The following DPP10 variants were observed in gnomAD, a reference collection of about 807,000 sequenced individuals.
The protein encoded by DPP10 is inactive dipeptidyl peptidase 10.
In DPP10, 33 loss-of-function variants were observed where a neutral mutation model predicts 120.9. The observed-to-expected ratio is 0.27, with a 90% CI of 0.21 to 0.37. The LOEUF is 0.37. DPP10 is among the 10% of genes least tolerant of loss of function. The pLI is 1.00. For synonymous variants in DPP10, 337 were observed against 326.1 expected (o/e 1.03, Z -0.36); for missense variants, 816 against 942.8 (o/e 0.87, Z 1.76).
At chr2:115,440,254 T>TA (rs1205013718) in intron 3 of DPP10, among the ~76,000 whole-genome samples, 3 of 152,036 alleles carry the variant, frequency 2.0e-5, no homozygotes, top group Admixed American at 2.0e-4. Context: ...AAGGAAAAAA[T>TA]ACATTTGTTT....
chr2:114,452,366 G>T (rs964224576), intron 1 of DPP10, among the ~76,000 whole-genome samples: 1 of 152,098 alleles, frequency 6.6e-6, no homozygotes, highest in South Asian at 2.1e-4. Context: ...GTGGTCGGGG[G>T]TGATCTCTCT....
intron 3 of DPP10, among the ~76,000 whole-genome samples, chr2:115,431,495 G>C (rs1317712022): frequency 6.6e-6 from 1 of 152,148 alleles, no homozygotes; most frequent in Non-Finnish European, 1.5e-5. Flanking sequence ...TACTGCAGTG[G>C]TGTAGAGATA....
chr2:114,763,455 G>A (rs1009197291), intron 1 of DPP10, among the ~76,000 whole-genome samples: 25 of 152,214 alleles, frequency 1.6e-4, no homozygotes, highest in South Asian at 6.2e-4. Context: ...GAATTCAAAA[G>A]TGATTAACTT....
chr2:115,567,776 A>T (rs536927609), intron 5 of DPP10, among the ~76,000 whole-genome samples: 1 of 152,362 alleles, frequency 6.6e-6, no homozygotes, highest in African/African-American at 2.4e-5. Flanking sequence ...ATTCTCCCTT[A>T]TAAATGTTGG....
rs772659922 is a variant in DPP10, at chr2:115,814,956, G to T, written c.1864G>T (p.Val622Leu). Reference protein sequence around the residue: ...LQEIHRRLGSVEVKDQITAVK... With the variant: ...LQEIHRRLGSLEVKDQITAVK... ...GGAGATTCATCGAAGATTAGGTTCA[G>T]TAGAAGTAAAGGACCAAATAACAGC... Residue 622 changes from valine to leucine, a missense_variant, in exon 20 of 26, where the codon GTA becomes TTA. Transcript: ENST00000410059. The T allele has an allele frequency of 6.2e-7, 1 of 1,610,986 alleles. No individual in the cohort carries two copies. The highest frequency in any genetic ancestry group is 8.5e-7 in the Non-Finnish European group (1 of 1,177,616).
chr2:115,375,799 AG>A (rs2065750178), intron 3 of DPP10, among the ~76,000 whole-genome samples: 1 of 152,192 alleles, frequency 6.6e-6, no homozygotes, highest in South Asian at 2.1e-4. Context: ...AGAGAGAGCA[AG>A]GGCGCAGTTT....
At chr2:114,886,530 C>T (rs538596503) in intron 1 of DPP10, among the ~76,000 whole-genome samples, 20 of 152,208 alleles carry the variant, frequency 1.3e-4, no homozygotes, top group East Asian at 1.2e-3. Context: ...TGAAAAGTAC[C>T]GTGATCTATG....
chr2:115,588,612 A>T (rs2149161721), intron 5 of DPP10, among the ~76,000 whole-genome samples: 1 of 152,356 alleles, frequency 6.6e-6, no homozygotes, highest in Non-Finnish European at 1.5e-5. Flanking sequence ...ACACACAGGA[A>T]ACAAAGGGTG....
At chr2:115,518,659 T>C (rs1381946429) in intron 4 of DPP10, among the ~76,000 whole-genome samples, 12 of 152,024 alleles carry the variant, frequency 7.9e-5, no homozygotes, top group Admixed American at 4.6e-4. Flanking sequence ...ATAATAATTA[T>C]ATTATTTTTG....
intron 3 of DPP10, among the ~76,000 whole-genome samples, chr2:115,416,662 C>T (rs190768169): frequency 3.1e-4 from 47 of 152,150 alleles, no homozygotes; most frequent in Admixed American, 1.3e-3. Flanking sequence ...TTCCATTAAT[C>T]GATTAATTAA....
intron 1 of DPP10, among the ~76,000 whole-genome samples, chr2:114,692,177 G>A (rs534083570): frequency 2.4e-4 from 36 of 152,072 alleles, no homozygotes; most frequent in South Asian, 1.2e-3. Flanking sequence ...GAGATGTTAG[G>A]TTGTTAACTT....
intron 3 of DPP10, among the ~76,000 whole-genome samples, chr2:115,412,162 T>C (rs2069000868): frequency 6.6e-6 from 1 of 152,170 alleles, no homozygotes; most frequent in Non-Finnish European, 1.5e-5. Context: ...GCACACATAA[T>C]TGCACCTAAA....
At chr2:115,264,642 A>T (rs942707871) in intron 1 of DPP10, among the ~76,000 whole-genome samples, 5 of 152,226 alleles carry the variant, frequency 3.3e-5, no homozygotes. Flanking sequence ...CACATGAAAT[A>T]TGCTTGGTAA....
At chr2:114,917,171 A>G (rs1694868848) in intron 1 of DPP10, among the ~76,000 whole-genome samples, 1 of 152,176 alleles carries the variant, frequency 6.6e-6, no homozygotes, top group Non-Finnish European at 1.5e-5. Flanking sequence ...TCTATACACC[A>G]ATAATGTCCA....
intron 21 of DPP10, among the ~76,000 whole-genome samples, chr2:115,816,093 A>T (rs1282710143): frequency 1.3e-5 from 2 of 152,166 alleles, no homozygotes; most frequent in Non-Finnish European, 2.9e-5. Context: ...TTTATTGGGC[A>T]GTTAGTTGGC....
intron 1 of DPP10, among the ~76,000 whole-genome samples, chr2:115,046,757 A>T (rs1288173840): frequency 6.6e-6 from 1 of 152,040 alleles, no homozygotes; most frequent in Non-Finnish European, 1.5e-5. Flanking sequence ...CAGAGGCATT[A>T]TATTTGTTAA....
chr2:115,157,971 C>T (rs1248677231), intron 1 of DPP10, among the ~76,000 whole-genome samples: 1 of 152,146 alleles, frequency 6.6e-6, no homozygotes, highest in African/African-American at 2.4e-5. Flanking sequence ...CAACTAGCTG[C>T]TTGTGGAGTA....
chr2:115,468,888 C>A (rs893113073), intron 3 of DPP10: 7 of 411,874 alleles, frequency 1.7e-5, no homozygotes, highest in African/African-American at 1.4e-4. Context: ...GTCTTCAACT[C>A]CCACTTCTCA....
At chr2:115,091,580 A>C (rs941001081) in intron 1 of DPP10, among the ~76,000 whole-genome samples, 6 of 152,160 alleles carry the variant, frequency 3.9e-5, no homozygotes, top group African/African-American at 7.2e-5. Flanking sequence ...ACTTAAGGGA[A>C]AAAAGTAGAA....
Sources: gnomAD v4.1 joint callset for allele counts (sites outside exome capture counted in the v4.1 genomes callset) on GRCh38, gnomAD v4.1.1 for gene constraint, MANE v1.5 for transcripts, NCBI Gene and HGNC (gene_info 2026-07-23, HGNC 2026-07-21) for gene names.